The following ACSBG1 variants were observed in gnomAD, a reference collection of about 807,000 sequenced individuals.
ACSBG1 encodes acyl-CoA synthetase bubblegum family member 1.
ACSBG1 carries 39 observed loss-of-function variants against 80.2 expected under a neutral mutation model. The ratio of observed to expected loss-of-function variants is 0.49; its 90% CI spans 0.38 to 0.64. The LOEUF is 0.64. ACSBG1 is among the 30% of genes least tolerant of loss of function. The probability of loss-of-function intolerance (pLI) is 0.00; values close to 1 mark genes in which losing one functional copy is unlikely to be tolerated. For synonymous variants in ACSBG1, 392 were observed against 379.5 expected (o/e 1.03, Z -0.38); for missense variants, 828 against 966.4 (o/e 0.86, Z 1.90).
chr15:78,209,492 G>A (rs1224168457), intron 1 of ACSBG1, among the ~76,000 whole-genome samples: 8 of 152,218 alleles, frequency 5.3e-5, no homozygotes, highest in African/African-American at 1.9e-4. Context: ...GGCAGACAGA[G>A]GCGTGTGAAT....
At chr15:78,205,321 T>A (rs59184904) in intron 2 of ACSBG1, among the ~76,000 whole-genome samples, 2 of 151,914 alleles carry the variant, frequency 1.3e-5, no homozygotes, top group Non-Finnish European at 2.9e-5. Context: ...CTCAAACTTT[T>A]TGGGACCTCA....
At chr15:78,193,690 CCCCACATCTGTAGCCCCCAGA>C in intron 4 of ACSBG1, 64 bp from the exon 5 acceptor site, 1 of 1,555,294 alleles carries the variant, frequency 6.4e-7, no homozygotes, top group East Asian at 2.3e-5. Context: ...CTTCCCCCAC[CCCCACATCTGTAGCCCCCAGA>C]CCCAGAGAGC....
At position 78,182,844 on chromosome 15, in the gene ACSBG1, GT is replaced by G. The variant is rs1443986840; in HGVS notation, c.664-60del. The G allele has an allele frequency of 5.1e-5, 81 of 1,582,028 alleles. No individual in the cohort carries two copies. In the African/African-American group the frequency reaches 1.0e-3, roughly 20 times the overall value. On this transcript the variant is annotated intron_variant, in intron 5 of 13. Coordinates refer to ENST00000258873, the MANE Select transcript of ACSBG1 (RefSeq NM_015162.5). ...TAAGAGAAATGTCACCTTCTAAAAA[GT>G]ACCCCATCTCCCTGTGTGAGTCGGC... is the stretch of plus-strand genomic sequence containing the variant.
At chr15:78,193,866 G>T in intron 4 of ACSBG1, 66 bp downstream of exon 4, 1 of 1,567,214 alleles carries the variant, frequency 6.4e-7, no homozygotes, top group Non-Finnish European at 8.7e-7. Context: ...AAGAGATAAG[G>T]ACCCTCCCCT....
At chr15:78,230,547 C>T (rs551599551) in intron 1 of ACSBG1, among the ~76,000 whole-genome samples, 1 of 152,342 alleles carries the variant, frequency 6.6e-6, no homozygotes, top group South Asian at 2.1e-4. Flanking sequence ...TAGAGCCCTT[C>T]TGATATGGTC....
intron 1 of ACSBG1, among the ~76,000 whole-genome samples, chr15:78,230,107 T>G (rs761462606): frequency 6.6e-6 from 1 of 152,204 alleles, no homozygotes; most frequent in Non-Finnish European, 1.5e-5. Flanking sequence ...GACAGAGGGC[T>G]TCCCAGGGTC....
chr15:78,233,766 T>A (rs1404942010), intron 1 of ACSBG1, among the ~76,000 whole-genome samples: 1 of 152,224 alleles, frequency 6.6e-6, no homozygotes, highest in African/African-American at 2.4e-5. Context: ...CTGAGTCTCA[T>A]CTTCTCAGGA....
At chr15:78,197,097 TA>T (rs1310555688) in intron 2 of ACSBG1, among the ~76,000 whole-genome samples, 2 of 151,064 alleles carry the variant, frequency 1.3e-5, no homozygotes, top group African/African-American at 2.4e-5. Flanking sequence ...AATAATAAAT[TA>T]AAAAAATATA....
Position 78,178,913 on chromosome 15 carries a change from T to C in ACSBG1, c.1485-82A>G. The C allele has an allele frequency of 2.1e-6, 3 of 1,400,610 alleles. No individual in the cohort carries two copies. The highest frequency in any genetic ancestry group is 1.4e-5 in the African/African-American group (1 of 70,168). 86.8% of individuals were successfully genotyped at this position (1,400,610 alleles called of 1,614,324 possible). A position where few individuals can be genotyped will look rare whatever the true frequency, so the allele number is the denominator to read the frequency against. On this transcript the variant is annotated intron_variant, in intron 10 of 13. Coordinates refer to ENST00000258873, the MANE Select transcript of ACSBG1 (RefSeq NM_015162.5). This position sits in a 1 kb window ranked among gnomAD's most constrained non-coding sequence, Gnocchi z 4.3. ...ACTGGGGAGCCGGGGTCCCAACTGC[T>C]CGGTCTTCACTGATTGCTAGAAGGT... is the stretch of plus-strand genomic sequence containing the variant.
intron 5 of ACSBG1, among the ~76,000 whole-genome samples, chr15:78,187,751 T>C (rs565014730): frequency 5.6e-4 from 86 of 152,338 alleles, no homozygotes; most frequent in Admixed American, 1.8e-3. Flanking sequence ...AGCATTCCCT[T>C]TGAAAACTGG....
At position 78,176,578 on chromosome 15, in the gene ACSBG1, CT is replaced by C. The variant is rs372515218; in HGVS notation, c.1702+2035del. ...TTTTAAGTGATATTATTTAAAATAC[CT>C]TAAAAAATTCTTAGAAGTAAATATA... On this transcript the variant is annotated intron_variant, in intron 11 of 13. Transcript: ENST00000258873. 2.3e-4 allele frequency among the ~76,000 whole-genome samples: 35 copies of C among 152,098 alleles called. No individual in the cohort carries two copies. The East Asian group carries it at 6.4e-3, about 28-fold the overall frequency.
chr15:78,201,045 C>A (rs2141358234), intron 2 of ACSBG1, among the ~76,000 whole-genome samples: 1 of 152,354 alleles, frequency 6.6e-6, no homozygotes, highest in South Asian at 2.1e-4. Flanking sequence ...CCCTCCATCA[C>A]ATGCCCACAC....
At chr15:78,227,910 T>C (rs554129708) in intron 1 of ACSBG1, among the ~76,000 whole-genome samples, 16 of 152,324 alleles carry the variant, frequency 1.1e-4, no homozygotes, top group Admixed American at 7.8e-4. Flanking sequence ...ATCCCAAGCA[T>C]GCCATCCTCA....
At chr15:78,210,912 C>G (rs985862411) in intron 1 of ACSBG1, among the ~76,000 whole-genome samples, 3 of 152,184 alleles carry the variant, frequency 2.0e-5, no homozygotes, top group African/African-American at 7.2e-5. Flanking sequence ...CCATGCTCGG[C>G]CATTTTTTAG....
chr15:78,231,100 T>C (rs1368139525), intron 1 of ACSBG1, among the ~76,000 whole-genome samples: 1 of 152,166 alleles, frequency 6.6e-6, no homozygotes, highest in African/African-American at 2.4e-5. Flanking sequence ...ACCACAGGTA[T>C]GTGCCACCAC....
At chr15:78,197,494 G>A (rs774687394) in intron 2 of ACSBG1, among the ~76,000 whole-genome samples, 14 of 152,132 alleles carry the variant, frequency 9.2e-5, no homozygotes, top group African/African-American at 1.2e-4. Context: ...CAAAGTGGGC[G>A]GATCACTTGA....
chr15:78,210,438 C>T (rs1007382649), intron 1 of ACSBG1, among the ~76,000 whole-genome samples: 1 of 152,216 alleles, frequency 6.6e-6, no homozygotes, highest in African/African-American at 2.4e-5. Flanking sequence ...TGTGCTAAAC[C>T]TCCAGTAACT....
intron 1 of ACSBG1, among the ~76,000 whole-genome samples, chr15:78,232,719 T>C (rs1368421505): frequency 2.0e-5 from 3 of 151,626 alleles, no homozygotes; most frequent in South Asian, 4.2e-4. Flanking sequence ...ACTTTTGCTC[T>C]CGTGGCCCAG....
At chr15:78,220,844 A>G (rs776296004) in intron 1 of ACSBG1, among the ~76,000 whole-genome samples, 3 of 152,236 alleles carry the variant, frequency 2.0e-5, no homozygotes, top group African/African-American at 4.8e-5. Context: ...AGAAATTAGA[A>G]ACCTCCTATA....
Sources: allele counts gnomAD v4.1 joint callset (sites outside exome capture counted in the v4.1 genomes callset), GRCh38; gene constraint gnomAD v4.1.1; non-coding constraint Gnocchi (gnomAD v3.1); transcripts MANE v1.5; gene names NCBI Gene and HGNC (gene_info 2026-07-23, HGNC 2026-07-21).